Variants in ABCC4 observed in about 807,000 individuals in gnomAD.
ABCC4 encodes ATP-binding cassette sub-family C member 4.
Under a neutral mutation model 168.5 loss-of-function variants are expected in ABCC4, and 102 were observed. The ratio of observed to expected loss-of-function variants is 0.61; its 90% confidence interval spans 0.52 to 0.71. The LOEUF (loss-of-function observed/expected upper bound fraction) is 0.71. ABCC4 is among the 30% of genes least tolerant of loss of function. The pLI is 0.00. For missense variants in ABCC4, 1,402 were observed against 1,605.8 expected (o/e 0.87, Z 2.17); for synonymous variants, 617 against 590.7 (o/e 1.04, Z -0.65).
intron 1 of ABCC4, among the ~76,000 whole-genome samples, chr13:95,287,355 A>G (rs1038753348): frequency 1.4e-4 from 22 of 151,862 alleles, no homozygotes; most frequent in Admixed American, 1.2e-3. Context: ...TTGGGAGGCT[A>G]AGGTGGGCAG....
intron 27 of ABCC4, among the ~76,000 whole-genome samples, chr13:95,047,352 G>A (rs1313107397): frequency 6.6e-6 from 1 of 151,984 alleles, no homozygotes; most frequent in Admixed American, 6.6e-5. Context: ...AATTGTTGGA[G>A]TATAAAATCA....
chr13:95,177,010 G>A (rs1030898845), intron 13 of ABCC4, among the ~76,000 whole-genome samples: 12 of 152,180 alleles, frequency 7.9e-5, no homozygotes, highest in East Asian at 1.9e-4. Context: ...GAAACACCAC[G>A]TAAGAGTTGG....
In ABCC4 at chr13:95,178,013, G is replaced by C; in HGVS notation, c.1624C>G (p.Arg542Gly). ...GTTLSGGQKA[R>G]VNLARAVYQD... is the part of the protein sequence containing the mutation. Reference sequence around the variant, plus strand: ...GCAACTTACCTTGCAAGGTTTACCCGTGCTTTCTGCCCTCCACTCAGCGTG... The same window carrying C: ...GCAACTTACCTTGCAAGGTTTACCCCTGCTTTCTGCCCTCCACTCAGCGTG... The change falls in exon 12 of 31, where the codon CGG becomes GGG. Residue 542 changes from arginine to glycine, a missense_variant. Physicochemically the swap from Arg to Gly is moderately radical, Grantham distance 125 (BLOSUM62 -2). Coordinates refer to ENST00000645237, the MANE Select transcript of ABCC4 (RefSeq NM_005845.5). 2 of 1,614,138 alleles carry C rather than the reference G, an allele frequency of 1.2e-6. No homozygotes were observed. The highest frequency in any genetic ancestry group is 1.7e-6 in the Non-Finnish European group (2 of 1,180,004).
intron 3 of ABCC4, among the ~76,000 whole-genome samples, chr13:95,236,303 A>G (rs552271903): frequency 3.9e-5 from 6 of 152,310 alleles, no homozygotes; most frequent in South Asian, 2.1e-4. Flanking sequence ...AAAATGCAAA[A>G]TGTTTGAAAA....
intron 1 of ABCC4, among the ~76,000 whole-genome samples, chr13:95,258,033 C>T (rs748526411): frequency 2.4e-4 from 36 of 152,108 alleles, no homozygotes; most frequent in Non-Finnish European, 4.3e-4. Context: ...TTTCCAGGTG[C>T]ATTTGTCCCA....
intron 22 of ABCC4, 87 bp from the exon 23 acceptor site, chr13:95,074,411 A>T: frequency 9.2e-7 from 1 of 1,081,110 alleles, no homozygotes; most frequent in Non-Finnish European, 1.3e-6. Flanking sequence ...GAAGATTTTT[A>T]CGTGGAGTAG....
At chr13:95,068,181 G>GGGAC (rs2033610537) in intron 25 of ABCC4, among the ~76,000 whole-genome samples, 1 of 152,208 alleles carries the variant, frequency 6.6e-6, no homozygotes, top group African/African-American at 2.4e-5. Context: ...CAACAGCAAA[G>GGGAC]GGACTGCCTG....
intron 20 of ABCC4, among the ~76,000 whole-genome samples, chr13:95,087,822 AGGTCCCACCT>A (rs934811518): frequency 6.6e-5 from 10 of 152,198 alleles, no homozygotes; most frequent in African/African-American, 2.2e-4. Flanking sequence ...TCTGGTTCCC[AGGTCCCACCT>A]GGGGAGATCT....
chr13:95,107,147 C>G (rs766394079), intron 20 of ABCC4, among the ~76,000 whole-genome samples: 1 of 151,988 alleles, frequency 6.6e-6, no homozygotes, highest in Non-Finnish European at 1.5e-5. Flanking sequence ...ATCCCAGCTA[C>G]CCGGGAGGCT....
chr13:95,193,344 C>A (rs960263481), intron 9 of ABCC4, among the ~76,000 whole-genome samples: 1 of 152,204 alleles, frequency 6.6e-6, no homozygotes, highest in South Asian at 2.1e-4. Context: ...TTTTAAGCAG[C>A]CTGAGCTGTT....
intron 27 of ABCC4, among the ~76,000 whole-genome samples, chr13:95,046,195 T>G (rs1361841636): frequency 6.6e-6 from 1 of 152,188 alleles, no homozygotes; most frequent in Non-Finnish European, 1.5e-5. Flanking sequence ...AAAGTTTTTA[T>G]TAGCTTTTCC....
intron 26 of ABCC4, among the ~76,000 whole-genome samples, chr13:95,054,377 G>A (rs1191996586): frequency 5.9e-5 from 9 of 151,838 alleles, no homozygotes; most frequent in African/African-American, 1.9e-4. Context: ...GCTTAGGTAG[G>A]CTGTGTGAAA....
In ABCC4 at chr13:95,276,723, G is replaced by A. The variant is rs1311276762; in HGVS notation, c.74+24518C>T. On this transcript the variant is annotated intron_variant, in intron 1 of 30. Coordinates refer to ENST00000645237, the MANE Select transcript of ABCC4 (RefSeq NM_005845.5). ...TAGAGATGCCTTTATTAATAAAAAA[G>A]GATACAACCCACGGGCCAGCCGCAG... Among the ~76,000 whole-genome samples the A allele has an allele frequency of 8.5e-5, 13 of 152,192 alleles. No homozygotes were observed. In the East Asian group the frequency reaches 2.5e-3, roughly 30 times the overall value.
chr13:95,295,449 G>A (rs1385830037), intron 1 of ABCC4, among the ~76,000 whole-genome samples: 1 of 152,110 alleles, frequency 6.6e-6, no homozygotes, highest in African/African-American at 2.4e-5. Context: ...CACAAGGTCA[G>A]AAGATCAAGA....
At chr13:95,235,193 G>A (rs542441094) in intron 3 of ABCC4, among the ~76,000 whole-genome samples, 23 of 152,082 alleles carry the variant, frequency 1.5e-4, no homozygotes, top group Admixed American at 3.9e-4. Flanking sequence ...ACCTAGGCTC[G>A]TTTTTTCTTA....
At chr13:95,271,396 G>A (rs1472135104) in intron 1 of ABCC4, among the ~76,000 whole-genome samples, 6 of 152,146 alleles carry the variant, frequency 3.9e-5, no homozygotes, top group Non-Finnish European at 1.5e-5. Flanking sequence ...GGAAGCAGAG[G>A]ATAAGAAGGT....
chr13:95,150,338 AG>A (rs1339545703), intron 19 of ABCC4, among the ~76,000 whole-genome samples: 1 of 152,228 alleles, frequency 6.6e-6, no homozygotes, highest in African/African-American at 2.4e-5. Context: ...CAGGCTTTCC[AG>A]GTGTTCAAGA....
chr13:95,022,061 C>G (rs780801962), intron 30 of ABCC4, among the ~76,000 whole-genome samples: 4 of 152,132 alleles, frequency 2.6e-5, no homozygotes, highest in African/African-American at 9.7e-5. Flanking sequence ...CATTTTCACA[C>G]GTAAAATGAG....
Position 95,034,753 on chromosome 13 carries a change from G to C in ABCC4, c.3736-14C>G, listed in dbSNP as rs2032047456. The C allele has an allele frequency of 1.2e-6, 2 of 1,613,614 alleles. No homozygotes were observed. Among genetic ancestry groups the C allele is most frequent in the South Asian group, 2.2e-5 (2 of 91,036 alleles). ...TGAATCTAAAACCTGTTAATCAGCA[G>C]AAAGAAACCCATTGAAACACAATGT... On this transcript the variant is annotated splice_polypyrimidine_tract_variant and intron_variant, in intron 29 of 30. Coordinates refer to ENST00000645237, the MANE Select transcript of ABCC4 (RefSeq NM_005845.5).
Sources: gnomAD v4.1 joint callset for allele counts (sites outside exome capture counted in the v4.1 genomes callset) on GRCh38, gnomAD v4.1.1 for gene constraint, MANE v1.5 for transcripts, NCBI Gene and HGNC (gene_info 2026-07-23, HGNC 2026-07-21) for gene names.